RPS6KA3: variants seen among roughly 807,000 people sequenced by gnomAD.
RPS6KA3 encodes ribosomal protein S6 kinase A3, also known as ribosomal protein S6 kinase alpha-3.
Under a neutral mutation model 67.2 loss-of-function variants are expected in RPS6KA3, and 4 were observed. The ratio of observed to expected loss-of-function variants is 0.06; its 90% confidence interval spans 0.03 to 0.14. The LOEUF (loss-of-function observed/expected upper bound fraction) is 0.14. Ranked by LOEUF, RPS6KA3 falls within the 10% of genes least tolerant of loss-of-function variation. The pLI, the probability that RPS6KA3 is intolerant of heterozygous loss-of-function variation, is 1.00. For missense variants in RPS6KA3, 204 were observed against 559.0 expected (o/e 0.36, Z 6.40); for synonymous variants, 182 against 183.7 (o/e 0.99, Z 0.07).
intron 17 of RPS6KA3, among the ~76,000 whole-genome samples, chrX:20,165,448 A>G (rs1343003254): frequency 1.8e-5 from 2 of 111,728 alleles, no homozygotes; most frequent in Non-Finnish European, 3.8e-5. Context: ...TGGCCTTTCC[A>G]TGCTAGGAGC....
intron 1 of RPS6KA3, among the ~76,000 whole-genome samples, chrX:20,252,492 A>T (rs773976197): frequency 9.1e-6 from 1 of 109,942 alleles, no homozygotes; most frequent in African/African-American, 3.3e-5. Flanking sequence ...GGCCGCACCA[A>T]CATCACCCAG....
intron 17 of RPS6KA3, among the ~76,000 whole-genome samples, chrX:20,166,617 T>C (rs1250543406): frequency 1.8e-5 from 2 of 110,484 alleles, no homozygotes; most frequent in Non-Finnish European, 3.8e-5. Context: ...AATTGTTTAT[T>C]TTCCCCTTGC....
intron 1 of RPS6KA3, among the ~76,000 whole-genome samples, chrX:20,252,676 A>C (rs895400644): frequency 2.7e-5 from 3 of 111,131 alleles, no homozygotes; most frequent in African/African-American, 9.8e-5. Flanking sequence ...GGAGGAGGAA[A>C]GCAGAGGGCT....
chrX:20,178,628 A>T (rs756196084), intron 10 of RPS6KA3, among the ~76,000 whole-genome samples: 3 of 90,557 alleles, frequency 3.3e-5, no homozygotes, highest in Non-Finnish European at 6.4e-5. Context: ...GTGTGCTACC[A>T]CACCTGGCTT....
intron 1 of RPS6KA3, among the ~76,000 whole-genome samples, chrX:20,251,937 T>A (rs1244076387): frequency 8.9e-6 from 1 of 112,217 alleles, no homozygotes; most frequent in East Asian, 2.8e-4. Flanking sequence ...TTTTTTCCCT[T>A]TCTGGGACTC....
rs754602045 is a variant in RPS6KA3, at chrX:20,165,169, A to C, written c.1603-109T>G. 11 of 585,955 alleles carry C rather than the reference A, an allele frequency of 1.9e-5. No homozygotes were observed. The African/African-American group carries it at 2.2e-4, about 12-fold the overall frequency. 48.3% of individuals were successfully genotyped at this position (585,955 alleles called of 1,213,427 possible). A position where few individuals can be genotyped will look rare whatever the true frequency, so the allele number is the denominator to read the frequency against. On this transcript the variant is annotated intron_variant, in intron 17 of 21. Transcript: ENST00000379565. ...GCACTTAACAAGATGATGAGTGCTG[A>C]CCTTTAAATTAGCCTAACATTATAA...
At chrX:20,223,426 A>G (rs1006165010) in intron 2 of RPS6KA3, among the ~76,000 whole-genome samples, 6 of 110,565 alleles carry the variant, frequency 5.4e-5, no homozygotes, top group African/African-American at 2.0e-4. Context: ...TGGTAGTGCT[A>G]ATTTTTTAAG....
chrX:20,186,578 AAATC>A lies in RPS6KA3; in HGVS notation c.775-216_775-213del, dbSNP rs1368258018. Among the ~76,000 whole-genome samples the A allele has an allele frequency of 7.0e-4, 76 of 109,005 alleles. No individual in the cohort carries two copies. The Middle Eastern group carries it at 0.014, about 20-fold the overall frequency. 94.7% of individuals were successfully genotyped at this position (109,005 alleles called of 115,157 possible). ...CTATACAGTTTTTTTTTTTTTGTAG[AAATC>A]AATCACATTTTTATTTTATTTTTTT... On this transcript the variant is annotated intron_variant, in intron 9 of 21. Transcript: ENST00000379565.
At chrX:20,236,902 G>C (rs2069424115) in intron 1 of RPS6KA3, among the ~76,000 whole-genome samples, 1 of 111,453 alleles carries the variant, frequency 9.0e-6, no homozygotes, top group African/African-American at 3.3e-5. Flanking sequence ...ATGTCCCAAA[G>C]AACTAGCTCC....
At chrX:20,193,328 A>C (rs1182642715) in intron 7 of RPS6KA3, among the ~76,000 whole-genome samples, 159 bp downstream of exon 7, 8 of 112,693 alleles carry the variant, frequency 7.1e-5, no homozygotes, top group Non-Finnish European at 1.1e-4. Flanking sequence ...TTTTTGATTA[A>C]CTGAGATTTT....
chrX:20,192,734 G>A (rs923298009), intron 7 of RPS6KA3, among the ~76,000 whole-genome samples: 2 of 107,013 alleles, frequency 1.9e-5, no homozygotes, highest in Non-Finnish European at 3.9e-5. Context: ...CTGAGTAGTC[G>A]GGACTACAGG....
At chrX:20,161,438 T>C (rs2067302184) in intron 20 of RPS6KA3, among the ~76,000 whole-genome samples, 2 of 111,830 alleles carry the variant, frequency 1.8e-5, no homozygotes, top group South Asian at 7.4e-4. Flanking sequence ...TGAGAAACAG[T>C]TTTAAAAGTA....
At chrX:20,251,057 T>C (rs908683076) in intron 1 of RPS6KA3, among the ~76,000 whole-genome samples, 1 of 112,186 alleles carries the variant, frequency 8.9e-6, no homozygotes, top group African/African-American at 3.2e-5. Context: ...CTGAAGGATA[T>C]TGTCACTTGG....
intron 1 of RPS6KA3, among the ~76,000 whole-genome samples, chrX:20,258,475 G>C (rs898977764): frequency 9.0e-6 from 1 of 111,574 alleles, no homozygotes; most frequent in Non-Finnish European, 1.9e-5. Flanking sequence ...ATCTATTAAT[G>C]TCAAAATGAT....
chrX:20,266,583 C>T lies in RPS6KA3; in HGVS notation c.50G>A (p.Ser17Asn), dbSNP rs1463499917. Residue 17 changes from serine to asparagine, a missense_variant, in exon 1 of 22, where the codon AGC becomes AAC. Ser to Asn is a conservative substitution (Grantham distance 46). Around this residue, in one of 4 missense-constraint regions of RPS6KA3, gnomAD observed 31 missense variants for 42.5 expected, o/e 0.73. Transcript: ENST00000379565. The part of the protein sequence containing the change: ...ADPWQKMAVE[S>N]PSDSAENGQQ... ...ACTCACCTCAGCGCTGTCGGACGGG[C>T]TCTCCACAGCCATCTTCTGCCACGG... The T allele has an allele frequency of 3.4e-5, 39 of 1,153,948 alleles. No individual in the cohort carries two copies. The highest frequency in any genetic ancestry group is 4.5e-5 in the Non-Finnish European group (39 of 869,050).
At chrX:20,183,638 T>C (rs1231262745) in intron 10 of RPS6KA3, among the ~76,000 whole-genome samples, 3 of 112,264 alleles carry the variant, frequency 2.7e-5, no homozygotes, top group African/African-American at 9.7e-5. Context: ...CTTGTTTCAA[T>C]GCTGTATTAT....
At chrX:20,163,064 T>C in intron 18 of RPS6KA3, 24 bp from the exon 19 acceptor site, 1 of 941,854 alleles carries the variant, frequency 1.1e-6, no homozygotes, top group Middle Eastern at 2.6e-4. Flanking sequence ...AAAATTAGTA[T>C]TACTATACCA....
At chrX:20,250,295 C>T (rs946380220) in intron 1 of RPS6KA3, among the ~76,000 whole-genome samples, 1 of 111,456 alleles carries the variant, frequency 9.0e-6, no homozygotes, top group African/African-American at 3.3e-5. Context: ...CTCAAGGGCT[C>T]CTCCTGCCTC....
At chrX:20,228,572 G>A (rs1490582852) in intron 2 of RPS6KA3, among the ~76,000 whole-genome samples, 3 of 110,932 alleles carry the variant, frequency 2.7e-5, no homozygotes, top group African/African-American at 9.8e-5. Context: ...AATATCTTCT[G>A]TCTCCAGAGG....
Sources: allele counts gnomAD v4.1 joint callset (sites outside exome capture counted in the v4.1 genomes callset), GRCh38; gene constraint gnomAD v4.1.1; regional missense constraint gnomAD v4.1.1; transcripts MANE v1.5; gene names NCBI Gene and HGNC (gene_info 2026-07-23, HGNC 2026-07-21).